ZC3H12B: variants seen among roughly 807,000 people sequenced by gnomAD.
The protein encoded by ZC3H12B is probable ribonuclease ZC3H12B.
Under a neutral mutation model 43.9 loss-of-function variants are expected in ZC3H12B, and 7 were observed. The observed-to-expected ratio is 0.16, with a 90% CI of 0.09 to 0.30. The LOEUF (loss-of-function observed/expected upper bound fraction) is 0.30, where lower values mean the gene tolerates loss of function less well. ZC3H12B is among the 10% of genes least tolerant of loss of function. The probability of loss-of-function intolerance (pLI) is 1.00; values close to 1 mark genes in which losing one functional copy is unlikely to be tolerated. For synonymous variants in ZC3H12B, 222 were observed against 241.7 expected (o/e 0.92, Z 0.76); for missense variants, 475 against 670.2 (o/e 0.71, Z 3.22).
chrX:65,461,108 C>T (rs1311789512), intron 3 of ZC3H12B, among the ~76,000 whole-genome samples: 3 of 112,227 alleles, frequency 2.7e-5, no homozygotes, highest in South Asian at 3.7e-4. Context: ...TGAAAAAATG[C>T]TCATCATCAC....
chrX:65,293,182 C>T, the ZC3H12B span, among the ~76,000 whole-genome samples: 1 of 111,165 alleles, frequency 9.0e-6, no homozygotes, highest in African/African-American at 3.3e-5. Context: ...AGGACTCTTT[C>T]CAGATATTTC....
intron 3 of ZC3H12B, among the ~76,000 whole-genome samples, chrX:65,466,924 A>ATG (rs1223333325): frequency 1.4e-4 from 4 of 28,015 alleles, no homozygotes; most frequent in Non-Finnish European, 2.1e-4. Flanking sequence ...AAATATATAT[A>ATG]TATATATATA....
At chrX:65,433,013 C>A (rs754504254) in intron 3 of ZC3H12B, among the ~76,000 whole-genome samples, 2 of 112,519 alleles carry the variant, frequency 1.8e-5, no homozygotes, top group South Asian at 7.4e-4. Flanking sequence ...AGTTGTATTA[C>A]TGGCTTTGCC....
At chrX:65,312,612 T>C in the ZC3H12B span, among the ~76,000 whole-genome samples, 560 of 111,382 alleles carry the variant, frequency 5.0e-3, 2 homozygotes, top group African/African-American at 0.016. Context: ...TACCATAAAC[T>C]AGGTAGTTTA....
At chrX:65,329,306 T>A in the ZC3H12B span, among the ~76,000 whole-genome samples, 1 of 111,617 alleles carries the variant, frequency 9.0e-6, no homozygotes, top group Admixed American at 9.4e-5. Context: ...CCAGTGATGA[T>A]GAGCATTTTT....
At chrX:65,203,576 TC>T in the ZC3H12B span, among the ~76,000 whole-genome samples, 1 of 109,539 alleles carries the variant, frequency 9.1e-6, no homozygotes, top group Non-Finnish European at 1.9e-5. Context: ...TGCTTCCCTA[TC>T]CTACTGTAGC....
At chrX:65,253,564 G>A in the ZC3H12B span, among the ~76,000 whole-genome samples, 1 of 111,953 alleles carries the variant, frequency 8.9e-6, no homozygotes, top group Non-Finnish European at 1.9e-5. Flanking sequence ...AGCATTAGGG[G>A]AATTGTCTGA....
chrX:65,095,842 G>A, the ZC3H12B span, among the ~76,000 whole-genome samples: 36 of 110,703 alleles, frequency 3.3e-4, no homozygotes, highest in Non-Finnish European at 6.0e-4. Context: ...ACAGTGCAGG[G>A]GGCCATGCTC....
At chrX:65,231,445 G>C in the ZC3H12B span, among the ~76,000 whole-genome samples, 1 of 111,149 alleles carries the variant, frequency 9.0e-6, no homozygotes. Context: ...GTCCTAGTAA[G>C]CCTGAGGGTA....
intron 3 of ZC3H12B, among the ~76,000 whole-genome samples, chrX:65,458,062 T>TAAAAAAAAAAAAAAAAAAAAATAAAAAAA (rs2067658387): frequency 3.2e-4 from 5 of 15,864 alleles, no homozygotes; most frequent in Non-Finnish European, 5.7e-4. Context: ...GAATGATCAA[T>TAAAAAAAAAAAAAAAAAAAAATAAAAAAA]AAAAAAAAAA....
chrX:65,414,524 A>G (rs1268617431), intron 3 of ZC3H12B, among the ~76,000 whole-genome samples: 1 of 111,041 alleles, frequency 9.0e-6, no homozygotes, highest in Non-Finnish European at 1.9e-5. Context: ...GTGAAGGGGG[A>G]AGAAGATATA....
the ZC3H12B span, chrX:65,271,801 TG>T: frequency 6.4e-6 from 1 of 156,856 alleles, no homozygotes; most frequent in South Asian, 1.5e-4. Flanking sequence ...TGGAAAATTC[TG>T]GGATAGCCAG....
chrX:65,321,604 G>A, the ZC3H12B span, among the ~76,000 whole-genome samples: 3 of 110,120 alleles, frequency 2.7e-5, no homozygotes, highest in African/African-American at 9.9e-5. Flanking sequence ...GCACATGTAT[G>A]TTCATTGCAG....
the ZC3H12B span, among the ~76,000 whole-genome samples, chrX:65,293,597 TAAA>T: frequency 3.1e-5 from 3 of 97,755 alleles, no homozygotes; most frequent in African/African-American, 1.1e-4. Flanking sequence ...CTTAAAGAAA[TAAA>T]AAAAAAAGAT....
intron 2 of ZC3H12B, among the ~76,000 whole-genome samples, chrX:65,390,433 C>T (rs1326356041): frequency 9.0e-6 from 1 of 111,117 alleles, no homozygotes; most frequent in Non-Finnish European, 1.9e-5. Flanking sequence ...AGTTGCTATA[C>T]TCGAAATCAG....
At chrX:65,132,489 G>A in the ZC3H12B span, among the ~76,000 whole-genome samples, 2 of 110,043 alleles carry the variant, frequency 1.8e-5, no homozygotes, top group African/African-American at 6.6e-5. Flanking sequence ...TCCCATACTT[G>A]TGGATTGAGG....
At chrX:65,103,125 G>A in the ZC3H12B span, among the ~76,000 whole-genome samples, 14 of 111,326 alleles carry the variant, frequency 1.3e-4, no homozygotes, top group African/African-American at 3.6e-4. Context: ...CGTCCTAATA[G>A]GCCTGGGAGC....
chrX:65,233,822 A>T, the ZC3H12B span, among the ~76,000 whole-genome samples: 1 of 111,479 alleles, frequency 9.0e-6, no homozygotes, highest in East Asian at 2.8e-4. Context: ...AAACAAATTG[A>T]TAAAATTTTC....
At chrX:65,428,031 G>T (rs1374464107) in intron 3 of ZC3H12B, among the ~76,000 whole-genome samples, 1 of 111,617 alleles carries the variant, frequency 9.0e-6, no homozygotes, top group Non-Finnish European at 1.9e-5. Flanking sequence ...GCTTAGTCTG[G>T]CTGGATATGA....
Sources: allele counts gnomAD v4.1 joint callset (sites outside exome capture counted in the v4.1 genomes callset), GRCh38; gene constraint gnomAD v4.1.1; transcripts MANE v1.5; gene names NCBI Gene and HGNC (gene_info 2026-07-23, HGNC 2026-07-21).